FMNL1: variants seen among roughly 807,000 people sequenced by gnomAD.
FMNL1 encodes the protein formin like 1.
In FMNL1, 43 loss-of-function variants were observed where a neutral mutation model predicts 121.3. The observed-to-expected ratio is 0.35, with a 90% CI of 0.28 to 0.46. The LOEUF (loss-of-function observed/expected upper bound fraction) is 0.46. FMNL1 is among the 20% of genes least tolerant of loss of function. The pLI is 1.00. For missense variants in FMNL1, 1,191 were observed against 1,482.4 expected (o/e 0.80, Z 3.23); for synonymous variants, 613 against 613.5 (o/e 1.00, Z 0.01).
rs1387252128 is a variant in FMNL1, at chr17:45,241,079, G to A, written c.1231-50G>A. The A allele has an allele frequency of 6.2e-7, 1 of 1,603,268 alleles. No homozygotes were observed. Among genetic ancestry groups the A allele is most frequent in the Non-Finnish European group, 8.5e-7 (1 of 1,172,522 alleles). ...GCCTGATGCCGCCCCCTCACCGGCG[G>A]TGCCAGTGCCGGGCTGCGGGTCGGG... On this transcript the variant is annotated intron_variant, in intron 12 of 26. Coordinates refer to ENST00000331495, the MANE Select transcript of FMNL1 (RefSeq NM_005892.4). This position sits in a 1 kb window ranked among gnomAD's most constrained non-coding sequence, Gnocchi z 7.0.
chr17:45,236,328 T>C, intron 7 of FMNL1, 84 bp downstream of exon 7: 1 of 1,153,858 alleles, frequency 8.7e-7, no homozygotes. Context: ...GGCTCTGGGA[T>C]CCACTGTCCC....
chr17:45,233,365 T>G lies in FMNL1; in HGVS notation c.401+68T>G. 6.8e-7 allele frequency: 1 copy of G among 1,469,636 alleles called. No individual in the cohort carries two copies. The highest frequency in any genetic ancestry group is 9.2e-7 in the Non-Finnish European group (1 of 1,081,632). 91.0% of individuals were successfully genotyped at this position (1,469,636 alleles called of 1,614,324 possible). On this transcript the variant is annotated intron_variant, in intron 4 of 26. Coordinates refer to ENST00000331495, the MANE Select transcript of FMNL1 (RefSeq NM_005892.4). The surrounding 1 kb of genome is among the most constrained non-coding windows in gnomAD (Gnocchi z 4.1). ...TCTGCTTCCAGGCAGCTCCTGGAGC[T>G]TCCCCTTCCTACTCCCCCTGCCCCC...
Position 45,241,064 on chromosome 17 carries a change from G to C in FMNL1, c.1231-65G>C. 1.3e-6 allele frequency: 2 copies of C among 1,588,686 alleles called. No homozygotes were observed. Among genetic ancestry groups the C allele is most frequent in the East Asian group, 4.5e-5 (2 of 44,052 alleles). ...CTTCCAGGCAGGCATGCCTGATGCC[G>C]CCCCCTCACCGGCGGTGCCAGTGCC... On this transcript the variant is annotated intron_variant, in intron 12 of 26. Transcript: ENST00000331495. This position sits in a 1 kb window ranked among gnomAD's most constrained non-coding sequence, Gnocchi z 7.0.
chr17:45,245,852 C>T, intron 23 of FMNL1, 26 bp from the exon 24 acceptor site: 1 of 1,597,920 alleles, frequency 6.3e-7, no homozygotes, highest in Non-Finnish European at 8.5e-7. Context: ...GAGGGCCACC[C>T]TCATGGAGAC....
rs532332460 is a variant in FMNL1, at chr17:45,233,455, T to A, written c.401+158T>A. ...CCAGGACAGCTTCCCCTCCCCTTCC[T>A]GCCCATGCTCTGACTGGCACCTTGA... On this transcript the variant is annotated intron_variant, in intron 4 of 26. Transcript: ENST00000331495. This position sits in a 1 kb window ranked among gnomAD's most constrained non-coding sequence, Gnocchi z 4.1. 1.3e-5 allele frequency among the ~76,000 whole-genome samples: 2 copies of A among 152,176 alleles called. No individual in the cohort carries two copies. Among genetic ancestry groups the A allele is most frequent in the Admixed American group, 1.3e-4 (2 of 15,304 alleles).
chr17:45,226,141 C>T (rs753316866), intron 1 of FMNL1, among the ~76,000 whole-genome samples: 4 of 152,322 alleles, frequency 2.6e-5, no homozygotes, highest in Admixed American at 6.5e-5. Flanking sequence ...ACCTCCCCAC[C>T]GTTATGCAGG....
In FMNL1 at chr17:45,241,207, C is replaced by T; in HGVS notation, c.1309C>T (p.Arg437Cys). The T allele has an allele frequency of 1.2e-6, 2 of 1,614,124 alleles. No homozygotes were observed. The highest frequency in any genetic ancestry group is 2.2e-5 in the East Asian group (1 of 44,884). Residue 437 changes from arginine to cysteine, a missense_variant, in exon 13 of 27, where the codon CGC becomes TGC. Physicochemically the swap from Arg to Cys is radical, Grantham distance 180. Transcript: ENST00000331495. This position sits in a 1 kb window ranked among gnomAD's most constrained non-coding sequence, Gnocchi z 7.0. ...ACTGGAAAAACAGCTAAGCCAGGCG[C>T]GCAAGGAGTTGGAGACCCTGCGGGT... ...AELEKQLSQA[R>C]KELETLRERF...
Position 45,242,432 on chromosome 17 carries a change from C to T in FMNL1, c.1977C>T (p.Val659=). The change falls in exon 16 of 27, where the codon GTC becomes GTT. Residue 659 remains valine (V), a synonymous_variant. Coordinates refer to ENST00000331495, the MANE Select transcript of FMNL1 (RefSeq NM_005892.4). The part of the protein sequence containing the change: ...ALKPSQITGT[V]FTELNDEKVL... ...AACCCAGCCAGATCACCGGCACTGTCTTCACAGAGCTCAATGATGAGAAGG... is the reference window on the plus strand; with the variant it reads ...AACCCAGCCAGATCACCGGCACTGTTTTCACAGAGCTCAATGATGAGAAGG... The T allele has an allele frequency of 6.2e-7, 1 of 1,614,120 alleles. No homozygotes were observed. The highest frequency in any genetic ancestry group is 8.5e-7 in the Non-Finnish European group (1 of 1,179,952).
rs2143555012 is a variant in FMNL1 at position 45,241,696 on chromosome 17, A to G, written c.1585+62A>G. 5 of 1,448,886 alleles carry G rather than the reference A, an allele frequency of 3.5e-6. No individual in the cohort carries two copies. The East Asian group carries it at 1.2e-4, about 35-fold the overall frequency. The allele number at this position is 1,448,886 out of a possible 1,614,324, so 89.8% of individuals were successfully genotyped here. Reference sequence around the variant, plus strand: ...AGGGTCTGGAGGGGAGCCCAGGGGCATCTGTGGCGGGCAGAGTTGGGCGAG... The same window carrying G: ...AGGGTCTGGAGGGGAGCCCAGGGGCGTCTGTGGCGGGCAGAGTTGGGCGAG... On this transcript the variant is annotated intron_variant, in intron 14 of 26. Coordinates refer to ENST00000331495, the MANE Select transcript of FMNL1 (RefSeq NM_005892.4). This position sits in a 1 kb window ranked among gnomAD's most constrained non-coding sequence, Gnocchi z 7.0.
intron 16 of FMNL1, 121 bp downstream of exon 16, chr17:45,242,586 G>A: frequency 7.0e-7 from 1 of 1,433,502 alleles, no homozygotes; most frequent in Non-Finnish European, 9.3e-7. Context: ...GGAGGGGGAG[G>A]CCCAGGGATG....
chr17:45,230,694 G>T lies in FMNL1; in HGVS notation c.213+7G>T. On this transcript the variant is annotated splice_region_variant and intron_variant, in intron 2 of 26. Transcript: ENST00000331495. ...GGAGCTCATCTGTGATCAGGTAGGT[G>T]CCAGCACTGCCCAGCCACCCCTTCC... 1.9e-6 allele frequency: 3 copies of T among 1,613,360 alleles called. No homozygotes were observed. Among genetic ancestry groups the T allele is most frequent in the Non-Finnish European group, 1.7e-6 (2 of 1,179,524 alleles).
chr17:45,240,511 G>A lies in FMNL1; in HGVS notation c.1116G>A (p.Val372=). The part of the protein sequence containing the change: ...LRLTESDKLQ[V]QIQAYLDNIF... Reference sequence around the variant, plus strand: ...TCACCGAGAGTGACAAGCTGCAGGTGCAGATCCAGGCGTACCTGGACAATA... The same window carrying A: ...TCACCGAGAGTGACAAGCTGCAGGTACAGATCCAGGCGTACCTGGACAATA... Residue 372 remains valine, a synonymous_variant, in exon 12 of 27, where the codon GTG becomes GTA. Coordinates refer to ENST00000331495, the MANE Select transcript of FMNL1 (RefSeq NM_005892.4). 2 of 1,613,764 alleles carry A rather than the reference G, an allele frequency of 1.2e-6. No homozygotes were observed. The highest frequency in any genetic ancestry group is 1.7e-6 in the Non-Finnish European group (2 of 1,179,904).
intron 1 of FMNL1, among the ~76,000 whole-genome samples, chr17:45,223,053 G>A (rs780302881): frequency 6.6e-6 from 1 of 152,178 alleles, no homozygotes; most frequent in Non-Finnish European, 1.5e-5. Context: ...AGACTCAGGG[G>A]TCTCCAAGAC....
rs1179201681 is a variant in FMNL1 at position 45,234,148 on chromosome 17, C to A, written c.562C>A (p.Leu188Ile). The A allele has an allele frequency of 6.2e-7, 1 of 1,614,130 alleles. No homozygotes were observed. The highest frequency in any genetic ancestry group is 8.5e-7 in the Non-Finnish European group (1 of 1,180,028). ...NKPLEQSVEDLSKGPPSSVPK... is the reference protein window; with the variant it reads ...NKPLEQSVEDISKGPPSSVPK... ...GCCCCTGGAGCAGTCTGTGGAAGAC[C>A]TCAGCAAGGGTCCACCCTCCTCCGT... is the stretch of plus-strand genomic sequence containing the variant. The change falls in exon 6 of 27, where the codon CTC becomes ATC. Residue 188 changes from leucine (L) to isoleucine (I), a missense_variant. By Grantham distance (5) the Leu-to-Ile change is conservative. This residue lies in a region of FMNL1 where 253 missense variants were observed against 417.5 expected (regional missense o/e 0.61). Transcript: ENST00000331495.
chr17:45,231,073 G>T lies in FMNL1; in HGVS notation c.213+386G>T, dbSNP rs1567958932. On this transcript the variant is annotated intron_variant, in intron 2 of 26. Coordinates refer to ENST00000331495, the MANE Select transcript of FMNL1 (RefSeq NM_005892.4). This position sits in a 1 kb window ranked among gnomAD's most constrained non-coding sequence, Gnocchi z 4.7. ...TCTTCACCTGACCCCATGGGAGGGA[G>T]GGAGGAAGGGGCGGGAATTCCTGCC... Among the ~76,000 whole-genome samples, 1 of 152,194 alleles carries T rather than the reference G, an allele frequency of 6.6e-6. No homozygotes were observed.
rs1175485984 is a variant in FMNL1, at chr17:45,242,063, T to TGCC, written c.1803_1805dup (p.Pro612dup). On this transcript the variant is annotated inframe_insertion, in exon 15 of 27. Coordinates refer to ENST00000331495, the MANE Select transcript of FMNL1 (RefSeq NM_005892.4). ...CCACCTCCGGGCACTGACGGGCCGG[T>TGCC]GCCTCCGCCGCCGCCGCCGCCGCCG... The TGCC allele has an allele frequency of 1.2e-5, 17 of 1,414,238 alleles. No individual in the cohort carries two copies. In the East Asian group the frequency reaches 5.0e-4, roughly 42 times the overall value. 87.6% of individuals were successfully genotyped at this position (1,414,238 alleles called of 1,614,324 possible).
rs955819836 is a variant in FMNL1 at position 45,237,214 on chromosome 17, C to T, written c.724-67C>T. The T allele has an allele frequency of 8.1e-6, 12 of 1,472,500 alleles. No individual in the cohort carries two copies. Among genetic ancestry groups the T allele is most frequent in the South Asian group, 4.6e-5 (4 of 87,682 alleles). The allele number at this position is 1,472,500 out of a possible 1,614,324, so 91.2% of individuals were successfully genotyped here. On this transcript the variant is annotated intron_variant, in intron 7 of 26. Coordinates refer to ENST00000331495, the MANE Select transcript of FMNL1 (RefSeq NM_005892.4). This position sits in a 1 kb window ranked among gnomAD's most constrained non-coding sequence, Gnocchi z 4.4. ...AAACTCGAGGGCAGTTAAAGATCCACGTGGCGTGGGTGCCTGAAGTCCTGG... is the reference window on the plus strand; with the variant it reads ...AAACTCGAGGGCAGTTAAAGATCCATGTGGCGTGGGTGCCTGAAGTCCTGG...
chr17:45,222,300 G>T, intron 1 of FMNL1, 47 bp downstream of exon 1: 2 of 1,148,108 alleles, frequency 1.7e-6, no homozygotes, highest in South Asian at 8.6e-5. Context: ...GGGGCGGCAG[G>T]GGCGCGGCAG....
Position 45,242,036 on chromosome 17 carries a change from C to T in FMNL1, c.1775C>T (p.Pro592Leu). The T allele has an allele frequency of 7.1e-7, 1 of 1,398,836 alleles. No individual in the cohort carries two copies. Among genetic ancestry groups the T allele is most frequent in the South Asian group, 1.4e-5 (1 of 70,480 alleles). 86.7% of individuals were successfully genotyped at this position (1,398,836 alleles called of 1,614,324 possible). A position where few individuals can be genotyped will look rare whatever the true frequency, so the allele number is the denominator to read the frequency against. The change falls in exon 15 of 27, where the codon CCA (proline) becomes CTA (leucine). Residue 592 changes from proline (P) to leucine (L), a missense_variant. Physicochemically the swap from Pro to Leu is moderately conservative, Grantham distance 98. Around this residue, in one of 4 missense-constraint regions of FMNL1, gnomAD observed 519 missense variants for 492.8 expected, o/e 1.05. Transcript: ENST00000331495. ...GDLPPPPPPP[P>L]PPPGTDGPVP... ...CTGCCGCCCCCACCCCCGCCACCGC[C>T]ACCACCTCCGGGCACTGACGGGCCG... is the stretch of plus-strand genomic sequence containing the variant.
Sources: allele counts gnomAD v4.1 joint callset (sites outside exome capture counted in the v4.1 genomes callset), GRCh38; gene constraint gnomAD v4.1.1; regional missense constraint gnomAD v4.1.1; non-coding constraint Gnocchi (gnomAD v3.1); transcripts MANE v1.5; gene names NCBI Gene and HGNC (gene_info 2026-07-23, HGNC 2026-07-21).